Variants in PTPRN2 observed in about 807,000 individuals in gnomAD.
PTPRN2 encodes protein tyrosine phosphatase receptor type N2.
In PTPRN2, 74 loss-of-function variants were observed where a neutral mutation model predicts 118.8. That is an observed-to-expected ratio of 0.62 (90% CI 0.52 to 0.76). PTPRN2 has a LOEUF of 0.76. Among genes scored for constraint, PTPRN2 ranks in the 30% least tolerant of loss-of-function variants. The pLI is 0.00. For missense variants in PTPRN2, 1,481 were observed against 1,394.4 expected, an observed-to-expected ratio of 1.06 and a Z score of -0.99; for synonymous variants, 641 against 608.0, an observed-to-expected ratio of 1.05 and a Z score of -0.80.
intron 12 of PTPRN2, among the ~76,000 whole-genome samples, chr7:157,733,783 C>T (rs1294629512): frequency 4.9e-5 from 1 of 20,472 alleles, no homozygotes; most frequent in African/African-American, 2.7e-4. Flanking sequence ...GTTACCCTTT[C>T]CCGTCCCACG....
chr7:158,264,326 C>T (rs1466297481), intron 3 of PTPRN2, among the ~76,000 whole-genome samples: 1 of 152,192 alleles, frequency 6.6e-6, no homozygotes, highest in East Asian at 1.9e-4. Flanking sequence ...TCAAGTTAGA[C>T]AATCATTTAC....
intron 11 of PTPRN2, among the ~76,000 whole-genome samples, chr7:157,927,166 C>T (rs201258728): frequency 7.3e-4 from 73 of 99,704 alleles, no homozygotes; most frequent in Admixed American, 1.4e-3. Flanking sequence ...CCCAGGGACC[C>T]GTCTGAGAGC....
chr7:157,680,798 GAA>G (rs1422933517), intron 13 of PTPRN2, among the ~76,000 whole-genome samples: 1 of 152,026 alleles, frequency 6.6e-6, no homozygotes. Flanking sequence ...CATTTTTAAA[GAA>G]AAAAAGTTTT....
chr7:158,119,435 T>G (rs184746010), intron 9 of PTPRN2, among the ~76,000 whole-genome samples: 2 of 152,180 alleles, frequency 1.3e-5, no homozygotes, highest in African/African-American at 4.8e-5. Flanking sequence ...TTGGTGAGAA[T>G]GTAACACGGT....
intron 2 of PTPRN2, among the ~76,000 whole-genome samples, chr7:158,355,988 C>T (rs944902862): frequency 1.3e-5 from 2 of 152,176 alleles, no homozygotes; most frequent in African/African-American, 2.4e-5. Flanking sequence ...CATGGGCCCA[C>T]AGTGATTGAG....
chr7:158,456,087 G>A (rs1176983256), intron 2 of PTPRN2, among the ~76,000 whole-genome samples: 1 of 149,468 alleles, frequency 6.7e-6, no homozygotes, highest in Admixed American at 6.7e-5. Flanking sequence ...ATCGGCCACG[G>A]CCCCCCATCA....
chr7:157,934,600 A>C (rs1865457), intron 11 of PTPRN2, among the ~76,000 whole-genome samples: 121,091 of 152,174 alleles, frequency 0.8, 48,416 homozygotes, highest in African/African-American at 0.86. Context: ...ACATTTGTTT[A>C]ATTTCCACTC....
chr7:157,569,493 A>AAATTGACAT (rs1175678196), intron 20 of PTPRN2, among the ~76,000 whole-genome samples: 7 of 152,220 alleles, frequency 4.6e-5, no homozygotes, highest in African/African-American at 1.7e-4. Flanking sequence ...TCAGAAGGAG[A>AAATTGACAT]AATTGACATA....
At chr7:158,564,553 G>A (rs1314533266) in intron 1 of PTPRN2, among the ~76,000 whole-genome samples, 3 of 152,246 alleles carry the variant, frequency 2.0e-5, no homozygotes, top group Non-Finnish European at 4.4e-5. Context: ...GGGCTAGGCA[G>A]TTGCCAGGGA....
chr7:157,714,979 C>T (rs981156568), intron 12 of PTPRN2, among the ~76,000 whole-genome samples: 2 of 152,178 alleles, frequency 1.3e-5, no homozygotes, highest in Admixed American at 6.5e-5. Flanking sequence ...CCCCAGGGAA[C>T]GGCGCCCAGC....
intron 12 of PTPRN2, among the ~76,000 whole-genome samples, chr7:157,758,087 C>G (rs1385160309): frequency 6.6e-6 from 1 of 152,142 alleles, no homozygotes; most frequent in Non-Finnish European, 1.5e-5. Context: ...GCGCAGGGGA[C>G]GCGCGGGATT....
chr7:158,409,156 G>GCAGAA (rs2151428839), intron 2 of PTPRN2, among the ~76,000 whole-genome samples: 1 of 152,320 alleles, frequency 6.6e-6, no homozygotes, highest in Admixed American at 6.5e-5. Flanking sequence ...ATGAGTAGAT[G>GCAGAA]CAGACTGCAG....
chr7:157,544,192 G>A (rs1202502063), intron 22 of PTPRN2, among the ~76,000 whole-genome samples: 2 of 152,158 alleles, frequency 1.3e-5, no homozygotes, highest in Non-Finnish European at 2.9e-5. Context: ...GAGAGAGATG[G>A]AGAGCTACGG....
At chr7:157,722,792 C>A (rs1799315725) in intron 12 of PTPRN2, among the ~76,000 whole-genome samples, 1 of 151,902 alleles carries the variant, frequency 6.6e-6, no homozygotes, top group South Asian at 2.1e-4. Flanking sequence ...TCCAGAGAGG[C>A]AAGGGAGAAG....
rs67118595 is a variant in PTPRN2, at chr7:157,874,820, C to CATAT, written c.1788+23852_1788+23853insATAT. Among the ~76,000 whole-genome samples the CATAT allele has an allele frequency of 8.9e-6, 1 of 112,334 alleles. No homozygotes were observed. The highest frequency in any genetic ancestry group is 2.1e-5 in the Non-Finnish European group (1 of 47,688). The allele number at this position is 112,334 out of a possible 152,430, so 73.7% of individuals were successfully genotyped here. Reference sequence around the variant, plus strand: ...ATACACACAGAGACACACTCATGGACACACACAGAGACACACTCATGCACA... The same window carrying CATAT: ...ATACACACAGAGACACACTCATGGACATATACACACAGAGACACACTCATGCACA... On this transcript the variant is annotated intron_variant, in intron 12 of 22. Transcript: ENST00000389418. The surrounding 1 kb of genome is among the most constrained non-coding windows in gnomAD (Gnocchi z 5.8).
At chr7:157,691,883 GCT>G (rs1563350665) in intron 12 of PTPRN2, among the ~76,000 whole-genome samples, 3 of 152,126 alleles carry the variant, frequency 2.0e-5, no homozygotes, top group Admixed American at 6.5e-5. Context: ...TCCCGCCCAT[GCT>G]CTCTCTCCCC....
At chr7:158,425,957 A>T in intron 2 of PTPRN2, among the ~76,000 whole-genome samples, 1 of 135,088 alleles carries the variant, frequency 7.4e-6, no homozygotes, top group African/African-American at 3.2e-5. Flanking sequence ...GCCGGGAAAG[A>T]CGCAGAGTCC....
chr7:158,134,146 A>T, intron 8 of PTPRN2, 87 bp from the exon 9 acceptor site: 1 of 1,452,910 alleles, frequency 6.9e-7, no homozygotes, highest in Admixed American at 2.0e-5. Flanking sequence ...GGACAGAGTC[A>T]CTGTGGGGAT....
At chr7:157,563,521 A>AC (rs1799322233) in intron 21 of PTPRN2, among the ~76,000 whole-genome samples, 1 of 126,094 alleles carries the variant, frequency 7.9e-6, no homozygotes, top group Non-Finnish European at 1.6e-5. Flanking sequence ...GCATCACCAC[A>AC]CACAGCAGAT....
Sources: gnomAD v4.1 joint callset for allele counts (sites outside exome capture counted in the v4.1 genomes callset) on GRCh38, gnomAD v4.1.1 for gene constraint, Gnocchi (gnomAD v3.1) non-coding constraint, MANE v1.5 for transcripts, NCBI Gene and HGNC (gene_info 2026-07-23, HGNC 2026-07-21) for gene names.